Variants in GABRB1 observed in about 807,000 individuals in gnomAD.
GABRB1 encodes the protein gamma-aminobutyric acid receptor subunit beta-1.
A neutral mutation model predicts 51.6 loss-of-function variants in GABRB1; 17 were observed. The ratio of observed to expected loss-of-function variants is 0.33; its 90% CI spans 0.23 to 0.49. GABRB1 has a LOEUF of 0.49. GABRB1 is among the 20% of genes least tolerant of loss of function. The pLI, the probability that GABRB1 is intolerant of heterozygous loss-of-function variation, is 0.99. For missense variants in GABRB1, 410 were observed against 600.6 expected, an observed-to-expected ratio of 0.68 and a Z score of 3.32; for synonymous variants, 247 against 218.9, an observed-to-expected ratio of 1.13 and a Z score of -1.14.
chr4:47,161,464 A>T lies in GABRB1; in HGVS notation c.456A>T (p.Gly152=). The T allele has an allele frequency of 6.2e-7, 1 of 1,609,556 alleles. No individual in the cohort carries two copies. The highest frequency in any genetic ancestry group is 8.5e-7 in the Non-Finnish European group (1 of 1,176,994). The change falls in exon 4 of 9, where the codon GGA becomes GGT. Residue 152 remains glycine, a synonymous_variant. Transcript: ENST00000295454. ...ATCCTGATGGAACAGTTCTCTATGG[A>T]CTCCGGTAAATGGCTTTATGTTGCA... ...RLHPDGTVLY[G]LRITTTAACM... is the part of the protein sequence containing the mutation.
chr4:47,298,852 C>T (rs537365155), intron 4 of GABRB1, among the ~76,000 whole-genome samples: 129 of 152,038 alleles, frequency 8.5e-4, no homozygotes, highest in African/African-American at 3.0e-3. Context: ...TACAAGGCTA[C>T]AGTAACCAAA....
intron 4 of GABRB1, among the ~76,000 whole-genome samples, chr4:47,218,624 G>T (rs573823539): frequency 2.0e-5 from 3 of 151,658 alleles, no homozygotes; most frequent in Non-Finnish European, 3.0e-5. Context: ...TTGGCCATTC[G>T]TATGTATTAT....
upstream of GABRB1, among the ~76,000 whole-genome samples, chr4:47,030,999 C>T (rs145323554): frequency 2.4e-3 from 358 of 152,222 alleles, no homozygotes; most frequent in African/African-American, 6.9e-3. Context: ...ACTCTGCCTC[C>T]TACAGAAGTC....
At chr4:47,150,888 A>C (rs1249409028) in intron 3 of GABRB1, among the ~76,000 whole-genome samples, 1 of 152,016 alleles carries the variant, frequency 6.6e-6, no homozygotes, top group Non-Finnish European at 1.5e-5. Flanking sequence ...AGAGAAAACC[A>C]CCAGAATGTT....
chr4:47,171,902 T>C (rs1259898908), intron 4 of GABRB1, among the ~76,000 whole-genome samples: 1 of 152,144 alleles, frequency 6.6e-6, no homozygotes, highest in Non-Finnish European at 1.5e-5. Context: ...GATTGTGAAA[T>C]AGTCATCCAG....
At position 47,406,675 on chromosome 4, in the gene GABRB1, T is replaced by G. The variant is rs758058750; in HGVS notation, c.836-7T>G. On this transcript the variant is annotated splice_polypyrimidine_tract_variant and splice_region_variant and intron_variant, in intron 7 of 8. Transcript: ENST00000295454. ...CTTCAGCTAAGTGTTGTCTTTCTCT[T>G]TCACAGGAATCACGACAGTGCTTAC... is the stretch of plus-strand genomic sequence containing the variant. The G allele has an allele frequency of 1.2e-6, 2 of 1,614,070 alleles. No individual in the cohort carries two copies. The highest frequency in any genetic ancestry group is 2.2e-5 in the East Asian group (1 of 44,880).
intron 8 of GABRB1, among the ~76,000 whole-genome samples, chr4:47,407,918 C>T (rs954619935): frequency 2.0e-5 from 3 of 152,028 alleles, no homozygotes; most frequent in African/African-American, 7.2e-5. Flanking sequence ...ATGGCAAAAC[C>T]TCATCTCTAC....
chr4:46,993,733 G>T, exon 1 of GABRB1: 2 of 286,514 alleles, frequency 7.0e-6, no homozygotes, highest in South Asian at 4.1e-5. Flanking sequence ...GCGCGCTTGC[G>T]CTGCAAGACT....
chr4:47,106,042 C>T (rs1714955388), intron 3 of GABRB1, among the ~76,000 whole-genome samples: 1 of 152,048 alleles, frequency 6.6e-6, no homozygotes, highest in Admixed American at 6.6e-5. Context: ...CTTGCTTGCC[C>T]TGTGACCTCA....
upstream of GABRB1, among the ~76,000 whole-genome samples, chr4:47,026,611 G>T (rs1349744258): frequency 6.6e-6 from 1 of 151,912 alleles, no homozygotes; most frequent in African/African-American, 2.4e-5. Context: ...GCATTACAGG[G>T]ACCAACTAGA....
chr4:47,267,026 A>G (rs1722664940), intron 4 of GABRB1, among the ~76,000 whole-genome samples: 2 of 152,180 alleles, frequency 1.3e-5, no homozygotes, highest in South Asian at 4.1e-4. Context: ...CAATTCAACA[A>G]GAAGATACGA....
chr4:47,367,674 T>C (rs558104191), intron 5 of GABRB1, among the ~76,000 whole-genome samples: 34 of 152,334 alleles, frequency 2.2e-4, no homozygotes, highest in African/African-American at 7.9e-4. Context: ...AACCTTTATC[T>C]CCTCAATGTT....
At chr4:47,271,047 GAAA>G in intron 4 of GABRB1, among the ~76,000 whole-genome samples, 1 of 152,020 alleles carries the variant, frequency 6.6e-6, no homozygotes, top group Non-Finnish European at 1.5e-5. Flanking sequence ...CAATCAAGTT[GAAA>G]ATATAAAATA....
intron 1 of GABRB1, among the ~76,000 whole-genome samples, chr4:46,996,879 C>G (rs1018199654): frequency 2.6e-5 from 4 of 151,952 alleles, no homozygotes; most frequent in Non-Finnish European, 5.9e-5. Flanking sequence ...TTAATTCTTT[C>G]TGGTAAAAAT....
At chr4:47,331,170 A>G (rs184082989) in intron 5 of GABRB1, among the ~76,000 whole-genome samples, 1 of 151,986 alleles carries the variant, frequency 6.6e-6, no homozygotes, top group Non-Finnish European at 1.5e-5. Flanking sequence ...TTTCACATTT[A>G]TGTTCATAGA....
chr4:47,050,322 C>A (rs780729326), intron 3 of GABRB1, among the ~76,000 whole-genome samples: 9 of 152,116 alleles, frequency 5.9e-5, no homozygotes, highest in Non-Finnish European at 1.2e-4. Flanking sequence ...TAATTGAAAT[C>A]ATCAGACCAG....
chr4:47,419,618 A>G (rs921410131), intron 8 of GABRB1, among the ~76,000 whole-genome samples: 1 of 152,206 alleles, frequency 6.6e-6, no homozygotes, highest in Non-Finnish European at 1.5e-5. Flanking sequence ...AGATCTCTGA[A>G]TTTATAAAAT....
At chr4:47,079,241 C>A (rs1291315421) in intron 3 of GABRB1, among the ~76,000 whole-genome samples, 1 of 151,716 alleles carries the variant, frequency 6.6e-6, no homozygotes, top group Non-Finnish European at 1.5e-5. Flanking sequence ...CCATCTGGTC[C>A]TGGACTTTTT....
chr4:47,322,175 A>T (rs1210993429), intron 5 of GABRB1, among the ~76,000 whole-genome samples: 1 of 152,230 alleles, frequency 6.6e-6, no homozygotes, highest in Admixed American at 6.5e-5. Flanking sequence ...TAATCATCAA[A>T]TATGATGTCA....
Sources: allele counts gnomAD v4.1 joint callset (sites outside exome capture counted in the v4.1 genomes callset), GRCh38; gene constraint gnomAD v4.1.1; transcripts MANE v1.5; gene names NCBI Gene and HGNC (gene_info 2026-07-23, HGNC 2026-07-21).